Variants in DPH1 observed in about 807,000 individuals in gnomAD.
The protein encoded by DPH1 is 2-(3-amino-3-carboxypropyl)histidine synthase subunit 1.
DPH1 carries 59 observed loss-of-function variants against 55.3 expected under a neutral mutation model. That is an observed-to-expected ratio of 1.07 (90% CI 0.87 to 1.33). The LOEUF (loss-of-function observed/expected upper bound fraction) is 1.33, where lower values mean the gene tolerates loss of function less well. Among genes scored for constraint, DPH1 ranks in the 40% most tolerant of loss-of-function variants. The probability of loss-of-function intolerance (pLI) is 0.00; values close to 1 mark genes in which losing one functional copy is unlikely to be tolerated. For synonymous variants in DPH1, 238 were observed against 235.5 expected (o/e 1.01, Z -0.10); for missense variants, 628 against 584.8 (o/e 1.07, Z -0.76).
Position 2,036,311 on chromosome 17 carries a change from G to A in DPH1, c.401-218G>A. 9.3e-7 allele frequency: 1 copy of A among 1,079,584 alleles called. No homozygotes were observed. Among genetic ancestry groups the A allele is most frequent in the Non-Finnish European group, 1.3e-6 (1 of 773,824 alleles). The allele number at this position is 1,079,584 out of a possible 1,614,324, so 66.9% of individuals were successfully genotyped here. On this transcript the variant is annotated intron_variant, in intron 4 of 12. Coordinates refer to ENST00000263083, the MANE Select transcript of DPH1 (RefSeq NM_001383.6). The surrounding 1 kb of genome is among the most constrained non-coding windows in gnomAD (Gnocchi z 4.8). ...CTGTCCCAGATGCAGGTGTTTGAAA[G>A]GCTGTTGGTTGTAGAGCAGGCTGGG...
At position 2,036,493 on chromosome 17, in the gene DPH1, C is replaced by G. The variant is rs1361185051; in HGVS notation, c.401-36C>G. On this transcript the variant is annotated intron_variant, in intron 4 of 12. Coordinates refer to ENST00000263083, the MANE Select transcript of DPH1 (RefSeq NM_001383.6). The surrounding 1 kb of genome is among the most constrained non-coding windows in gnomAD (Gnocchi z 4.8). Reference sequence around the variant, plus strand: ...TGGCCGGGCCCTCTGCTGCTCCTGCCTTCCCAAACAGCCCCTGAACTCCTC... The same window carrying G: ...TGGCCGGGCCCTCTGCTGCTCCTGCGTTCCCAAACAGCCCCTGAACTCCTC... 1 of 1,609,834 alleles carries G rather than the reference C, an allele frequency of 6.2e-7. No individual in the cohort carries two copies. Among genetic ancestry groups the G allele is most frequent in the Non-Finnish European group, 8.5e-7 (1 of 1,177,134 alleles).
At chr17:2,041,436 G>C (rs767575833) in intron 10 of DPH1, 45 bp from the exon 11 acceptor site, 2 of 1,569,192 alleles carry the variant, frequency 1.3e-6, no homozygotes, top group East Asian at 2.2e-5. Flanking sequence ...TCCAGGGGCA[G>C]AAAAACACTG....
chr17:2,038,092 A>G (rs764516592), intron 6 of DPH1, among the ~76,000 whole-genome samples: 3 of 148,508 alleles, frequency 2.0e-5, no homozygotes, highest in Non-Finnish European at 3.0e-5. Flanking sequence ...GGAGAATTGC[A>G]TATGTCCAGG....
intron 1 of DPH1, chr17:2,033,297 T>C (rs2067355814): frequency 1.5e-6 from 1 of 687,734 alleles, no homozygotes; most frequent in African/African-American, 1.8e-5. Context: ...TGTTGTTTAT[T>C]ATCTTCTTGT....
At position 2,043,333 on chromosome 17, in the gene DPH1, A is replaced by C. The variant is rs1051001480; in HGVS notation, c.*747A>C. The C allele has an allele frequency of 1.3e-5, 7 of 545,510 alleles. No homozygotes were observed. The highest frequency in any genetic ancestry group is 6.9e-5 in the Admixed American group (2 of 28,900). The allele number at this position is 545,510 out of a possible 1,614,324, so 33.8% of individuals were successfully genotyped here. On this transcript the variant is annotated 3_prime_UTR_variant, in exon 13 of 13. Transcript: ENST00000263083. ...TTGACTTGTGAAAACGCAAACATGA[A>C]TATGGTTGGAGAGCCCTGGATTAGG...
chr17:2,041,800 C>A lies in DPH1; in HGVS notation c.1260C>A (p.Ala420=), dbSNP rs776006907. 1.6e-5 allele frequency: 25 copies of A among 1,606,604 alleles called. No homozygotes were observed. The highest frequency in any genetic ancestry group is 2.0e-5 in the Non-Finnish European group (23 of 1,177,324). ...VQEGSARPPS[A]VACEDCSCRD... is the part of the protein sequence containing the mutation. ...AGGGGTCCGCGCGTCCCCCTTCGGC[C>A]GTGGCTTGCGAGGACTGCAGCTGCA... Residue 420 remains alanine, a synonymous_variant, in exon 12 of 13, where the codon GCC becomes GCA. Coordinates refer to ENST00000263083, the MANE Select transcript of DPH1 (RefSeq NM_001383.6).
chr17:2,033,455 C>G (rs1163684874), intron 1 of DPH1, 50 bp from the exon 2 acceptor site: 1 of 1,612,440 alleles, frequency 6.2e-7, no homozygotes. Flanking sequence ...CCATCTCAAT[C>G]TGGCTTCAGC....
rs753765763 is a variant in DPH1 at position 2,036,437 on chromosome 17, C to G, written c.401-92C>G. 16 of 1,511,090 alleles carry G rather than the reference C, an allele frequency of 1.1e-5. No homozygotes were observed. The highest frequency in any genetic ancestry group is 1.4e-5 in the Non-Finnish European group (16 of 1,103,738). The allele number at this position is 1,511,090 out of a possible 1,614,324, so 93.6% of individuals were successfully genotyped here. A position where few individuals can be genotyped will look rare whatever the true frequency, so the allele number is the denominator to read the frequency against. On this transcript the variant is annotated intron_variant, in intron 4 of 12. Transcript: ENST00000263083. This position sits in a 1 kb window ranked among gnomAD's most constrained non-coding sequence, Gnocchi z 4.8. ...TGTCCTTTTACCCCCAGGCTGAAGC[C>G]ACTGCGCCTGGCTGCTCAGAGACCT...
At chr17:2,038,585 C>T (rs184836043) in intron 6 of DPH1, among the ~76,000 whole-genome samples, 1 of 152,180 alleles carries the variant, frequency 6.6e-6, no homozygotes, top group African/African-American at 2.4e-5. Context: ...CAAACCCTAT[C>T]GTGACCTGTA....
Position 2,036,234 on chromosome 17 carries a change from C to G in DPH1, c.400+143C>G, listed in dbSNP as rs571445091. On this transcript the variant is annotated intron_variant, in intron 4 of 12. Transcript: ENST00000263083. This position sits in a 1 kb window ranked among gnomAD's most constrained non-coding sequence, Gnocchi z 4.8. ...GTTTCTGGGGTGGCCTCTGCCTTCC[C>G]GCTCTGCAGGTAGATCTTTCCTTTG... 9.3e-6 allele frequency: 13 copies of G among 1,401,424 alleles called. No homozygotes were observed. The highest frequency in any genetic ancestry group is 1.2e-5 in the Non-Finnish European group (13 of 1,054,666). The allele number at this position is 1,401,424 out of a possible 1,614,324, so 86.8% of individuals were successfully genotyped here. A position where few individuals can be genotyped will look rare whatever the true frequency, so the allele number is the denominator to read the frequency against.
intron 11 of DPH1, 65 bp downstream of exon 11, chr17:2,041,686 G>A: frequency 6.3e-7 from 1 of 1,577,478 alleles, no homozygotes; most frequent in South Asian, 1.1e-5. Flanking sequence ...CCCTGCGACC[G>A]CGACGGGAAA....
chr17:2,042,837 C>T lies in DPH1; in HGVS notation c.*251C>T, dbSNP rs1462386318. 6.2e-7 allele frequency: 1 copy of T among 1,614,146 alleles called. No individual in the cohort carries two copies. The highest frequency in any genetic ancestry group is 1.1e-5 in the South Asian group (1 of 91,090). On this transcript the variant is annotated 3_prime_UTR_variant, in exon 13 of 13. Transcript: ENST00000263083. ...TGGGCCAGGCAGGCGATCCCCGCTTCCCCTTGCCACGGTTTATCCTCTTGG... is the reference window on the plus strand; with the variant it reads ...TGGGCCAGGCAGGCGATCCCCGCTTTCCCTTGCCACGGTTTATCCTCTTGG...
rs2067587680 is a variant in DPH1, at chr17:2,043,864, T to C, written c.*1278T>C. Among the ~76,000 whole-genome samples the C allele has an allele frequency of 5.9e-5, 9 of 152,176 alleles. No homozygotes were observed. The highest frequency in any genetic ancestry group is 5.9e-4 in the Admixed American group (9 of 15,274). ...GACCTTAGGTGGAGGCCAAAGACAG[T>C]ACAGAATAAACAGCTTCTTCCTAAA... On this transcript the variant is annotated 3_prime_UTR_variant, in exon 13 of 13. Transcript: ENST00000263083.
intron 6 of DPH1, chr17:2,039,286 C>A (rs1013146923): frequency 6.3e-6 from 1 of 157,984 alleles, no homozygotes; most frequent in Non-Finnish European, 1.4e-5. Context: ...TGGTCTTGAT[C>A]TCCTGACCTC....
At position 2,042,889 on chromosome 17, in the gene DPH1, G is replaced by A. The variant is rs2067570365; in HGVS notation, c.*303G>A. The A allele has an allele frequency of 1.9e-6, 3 of 1,614,052 alleles. No homozygotes were observed. The highest frequency in any genetic ancestry group is 2.2e-5 in the East Asian group (1 of 44,902). ...GTCTGGTTTCTGTCCCCGGGGCATT[G>A]GGTTCAAGGAATCCATCCTGCAAAG... On this transcript the variant is annotated 3_prime_UTR_variant, in exon 13 of 13. Transcript: ENST00000263083.
intron 12 of DPH1, chr17:2,042,190 TCCCCGACCCCCCGGG>T (rs750637682): frequency 1.3e-5 from 18 of 1,430,240 alleles, no homozygotes; most frequent in East Asian, 1.1e-4. Flanking sequence ...CCGCACCCGG[TCCCCGACCCCCCGGG>T]CCCCGAGGGC....
At position 2,036,118 on chromosome 17, in the gene DPH1, G is replaced by A. The variant is rs200589975; in HGVS notation, c.400+27G>A. On this transcript the variant is annotated intron_variant, in intron 4 of 12. Coordinates refer to ENST00000263083, the MANE Select transcript of DPH1 (RefSeq NM_001383.6). The surrounding 1 kb of genome is among the most constrained non-coding windows in gnomAD (Gnocchi z 4.8). ...TATGGTGGGGCCAGGACACCTGGACGGTGGCGGGGCTGGCAGGGAGGCAGG... is the reference window on the plus strand; with the variant it reads ...TATGGTGGGGCCAGGACACCTGGACAGTGGCGGGGCTGGCAGGGAGGCAGG... 28 of 1,611,580 alleles carry A rather than the reference G, an allele frequency of 1.7e-5. No individual in the cohort carries two copies. The highest frequency in any genetic ancestry group is 5.0e-5 in the Admixed American group (3 of 59,896).
chr17:2,042,646 TCA>T lies in DPH1; in HGVS notation c.*61_*62del, dbSNP rs1309629987. The T allele has an allele frequency of 6.6e-7, 1 of 1,521,978 alleles. No homozygotes were observed. Among genetic ancestry groups the T allele is most frequent in the Admixed American group, 2.3e-5 (1 of 44,200 alleles). 94.3% of individuals were successfully genotyped at this position (1,521,978 alleles called of 1,614,324 possible). ...GGAGCAGCCTCGAGGCTGGTGGTTT[TCA>T]GAGCAGGAGGCCGACGTTTTCTCCG... On this transcript the variant is annotated 3_prime_UTR_variant, in exon 13 of 13. Transcript: ENST00000263083.
chr17:2,037,022 G>A, intron 6 of DPH1, 66 bp downstream of exon 6: 1 of 1,553,586 alleles, frequency 6.4e-7, no homozygotes, highest in South Asian at 1.2e-5. Flanking sequence ...GGAGCCTGAG[G>A]TTCATCATCC....
Sources: gnomAD v4.1 joint callset for allele counts (sites outside exome capture counted in the v4.1 genomes callset) on GRCh38, gnomAD v4.1.1 for gene constraint, Gnocchi (gnomAD v3.1) non-coding constraint, MANE v1.5 for transcripts, NCBI Gene and HGNC (gene_info 2026-07-23, HGNC 2026-07-21) for gene names.